Variants in PCDH15 observed in about 807,000 individuals in gnomAD.
PCDH15 encodes protocadherin-15.
A neutral mutation model predicts 178.5 loss-of-function variants in PCDH15; 129 were observed. The ratio of observed to expected loss-of-function variants is 0.72; its 90% CI spans 0.63 to 0.84. PCDH15 has a LOEUF of 0.84. Ranked by LOEUF, PCDH15 falls within the 40% of genes least tolerant of loss-of-function variation. The probability of loss-of-function intolerance (pLI) is 0.00; values close to 1 mark genes in which losing one functional copy is unlikely to be tolerated. For synonymous variants in PCDH15, 800 were observed against 732.0 expected (o/e 1.09, Z -1.50); for missense variants, 2,230 against 2,099.9 (o/e 1.06, Z -1.21).
intron 3 of PCDH15, among the ~76,000 whole-genome samples, chr10:54,862,752 T>C (rs1171667006): frequency 1.3e-5 from 2 of 152,184 alleles, no homozygotes; most frequent in African/African-American, 4.8e-5. Context: ...TATGTGCCAG[T>C]GGGACATGCT....
intron 2 of PCDH15, among the ~76,000 whole-genome samples, chr10:55,428,655 CTT>C (rs976082147): frequency 5.3e-5 from 8 of 151,756 alleles, no homozygotes; most frequent in Non-Finnish European, 1.2e-4. Flanking sequence ...TTAGGGCTTA[CTT>C]TTTTATTCAA....
In PCDH15 at chr10:54,522,538, G is replaced by A. The variant is rs1000070450; in HGVS notation, c.157+5274C>T. ...TGTAATTTCCTCAAAGAAACAAGTC[G>A]TCTATCTGAAACAGCATCACTGCCT... On this transcript the variant is annotated intron_variant, in intron 3 of 37. Coordinates refer to ENST00000644397, the MANE Select transcript of PCDH15 (RefSeq NM_001384140.1). 7.2e-5 allele frequency among the ~76,000 whole-genome samples: 11 copies of A among 152,198 alleles called. No individual in the cohort carries two copies. In the South Asian group the frequency reaches 1.5e-3, roughly 20 times the overall value.
At chr10:55,061,065 A>T (rs1841416596) in intron 2 of PCDH15, among the ~76,000 whole-genome samples, 1 of 152,188 alleles carries the variant, frequency 6.6e-6, no homozygotes, top group Non-Finnish European at 1.5e-5. Flanking sequence ...TATGAAAAAA[A>T]TTGATGAACT....
intron 28 of PCDH15, among the ~76,000 whole-genome samples, chr10:53,856,254 T>G (rs1285742115): frequency 6.6e-6 from 1 of 151,440 alleles, no homozygotes; most frequent in Non-Finnish European, 1.5e-5. Flanking sequence ...AAAAAAAAAT[T>G]TAAAATAATG....
chr10:54,548,611 T>C (rs1221263507), intron 2 of PCDH15, among the ~76,000 whole-genome samples: 1 of 116,476 alleles, frequency 8.6e-6, no homozygotes, highest in Non-Finnish European at 1.8e-5. Flanking sequence ...ATATATTTAA[T>C]ATATAGTATA....
At chr10:54,845,708 A>C (rs1953497688) in intron 3 of PCDH15, among the ~76,000 whole-genome samples, 1 of 152,122 alleles carries the variant, frequency 6.6e-6, no homozygotes, top group Non-Finnish European at 1.5e-5. Context: ...ATTCAGTTGG[A>C]CATAGCAAAG....
intron 2 of PCDH15, among the ~76,000 whole-genome samples, chr10:54,992,784 A>T (rs1310110346): frequency 6.6e-6 from 1 of 151,762 alleles, no homozygotes; most frequent in African/African-American, 2.4e-5. Context: ...TGAAGTCAAC[A>T]TGAAGATAAG....
In PCDH15 at chr10:53,911,094, G is replaced by T. The variant is rs554278049; in HGVS notation, c.3374-7724C>A. ...AACCAAGCTGAGAAACACTCTTCAG[G>T]ATATCATCCAGGAGAACTTCCTCAA... On this transcript the variant is annotated intron_variant, in intron 25 of 37. Transcript: ENST00000644397. Among the ~76,000 whole-genome samples the T allele has an allele frequency of 2.0e-5, 3 of 152,310 alleles. No homozygotes were observed. In the South Asian group the frequency reaches 6.2e-4, roughly 32 times the overall value.
At chr10:54,793,216 G>T (rs11004580) in intron 1 of PCDH15, among the ~76,000 whole-genome samples, 14,308 of 151,874 alleles carry the variant, frequency 0.094, 904 homozygotes, top group East Asian at 0.19. Flanking sequence ...CCCCACCCTT[G>T]GTGTCAGGGA....
rs1161578673 is a variant in PCDH15, at chr10:54,205,945, AC to A, written c.1098+7990del. 2.7e-4 allele frequency among the ~76,000 whole-genome samples: 41 copies of A among 152,230 alleles called. 1 individual carries two copies. The highest frequency in any genetic ancestry group is 2.2e-3 in the Admixed American group (34 of 15,262). On this transcript the variant is annotated intron_variant, in intron 10 of 37. Coordinates refer to ENST00000644397, the MANE Select transcript of PCDH15 (RefSeq NM_001384140.1). ...AGTATATTCTTGGTTGGAAACAAAT[AC>A]CTTTTTTTGTATGACAAAAAGGAAA...
chr10:55,075,587 T>G (rs1841868618), intron 2 of PCDH15, among the ~76,000 whole-genome samples: 1 of 152,020 alleles, frequency 6.6e-6, no homozygotes, highest in Non-Finnish European at 1.5e-5. Flanking sequence ...ATGGTCTCTG[T>G]CTCCTGACCT....
chr10:53,943,458 A>G (rs916524054), intron 23 of PCDH15, among the ~76,000 whole-genome samples: 1 of 152,076 alleles, frequency 6.6e-6, no homozygotes, highest in Non-Finnish European at 1.5e-5. Context: ...TCTGGGCAAC[A>G]GAGCGAGTTT....
intron 2 of PCDH15, among the ~76,000 whole-genome samples, chr10:55,442,498 T>G (rs1839220159): frequency 1.4e-5 from 2 of 139,610 alleles, no homozygotes; most frequent in Non-Finnish European, 3.0e-5. Flanking sequence ...TATATATATA[T>G]ATGTAAGCTG....
intron 8 of PCDH15, among the ~76,000 whole-genome samples, chr10:54,279,387 A>G (rs1344731675): frequency 1.3e-5 from 2 of 151,636 alleles, no homozygotes; most frequent in Non-Finnish European, 3.0e-5. Context: ...AACTCTCCCA[A>G]TAGTGCACAA....
chr10:53,870,378 T>A (rs1158709998), intron 26 of PCDH15, among the ~76,000 whole-genome samples: 1 of 152,142 alleles, frequency 6.6e-6, no homozygotes, highest in African/African-American at 2.4e-5. Context: ...AAAAGTTTTT[T>A]TAAAAATCTT....
chr10:55,260,612 A>G (rs1842124724), intron 1 of PCDH15, among the ~76,000 whole-genome samples: 1 of 152,196 alleles, frequency 6.6e-6, no homozygotes, highest in Non-Finnish European at 1.5e-5. Flanking sequence ...GATTAGTTTT[A>G]CTGGTAGCTG....
chr10:55,071,859 T>C (rs191502414), intron 2 of PCDH15, among the ~76,000 whole-genome samples: 99 of 152,218 alleles, frequency 6.5e-4, no homozygotes, highest in Non-Finnish European at 1.2e-3. Context: ...AAAGCTCTCC[T>C]CAGCCAATGT....
intron 2 of PCDH15, among the ~76,000 whole-genome samples, chr10:55,362,205 T>G (rs1036509754): frequency 6.6e-6 from 1 of 152,114 alleles, no homozygotes; most frequent in African/African-American, 2.4e-5. Context: ...ATTAAGCACT[T>G]CTCTTTAAAA....
intron 2 of PCDH15, among the ~76,000 whole-genome samples, chr10:55,583,734 A>C (rs1030873838): frequency 3.3e-5 from 5 of 151,948 alleles, no homozygotes; most frequent in African/African-American, 1.2e-4. Context: ...GTGCCTGGCC[A>C]ACAGTTATGT....
Sources: gnomAD v4.1 joint callset for allele counts (sites outside exome capture counted in the v4.1 genomes callset) on GRCh38, gnomAD v4.1.1 for gene constraint, MANE v1.5 for transcripts, NCBI Gene and HGNC (gene_info 2026-07-23, HGNC 2026-07-21) for gene names.